The following HDGFL3 variants were observed in gnomAD, a reference collection of about 807,000 sequenced individuals.
HDGFL3 encodes the protein HDGF like 3.
In HDGFL3, 6 loss-of-function variants were observed where a neutral mutation model predicts 27.6. The observed-to-expected ratio is 0.22, with a 90% CI of 0.12 to 0.43. HDGFL3 has a LOEUF of 0.43. HDGFL3 is among the 20% of genes least tolerant of loss of function. HDGFL3 has a pLI of 1.00. For synonymous variants in HDGFL3, 88 were observed against 88.9 expected (o/e 0.99, Z 0.05); for missense variants, 207 against 250.1 (o/e 0.83, Z 1.16).
At chr15:83,206,428 G>A (rs949985433) in intron 1 of HDGFL3, among the ~76,000 whole-genome samples, 1 of 152,116 alleles carries the variant, frequency 6.6e-6, no homozygotes, top group Admixed American at 6.5e-5. Context: ...AAATAAAAAG[G>A]ATTTCTTCTA....
chr15:83,135,013 G>T lies in HDGFL3; in HGVS notation c.*4257C>A, dbSNP rs2036517857. ...TGGGTTCTGCCTGGGCATCTACCCA[G>T]GGGAGTTGTATCTGAGGGCCGAGTC... is the stretch of plus-strand genomic sequence containing the variant. On this transcript the variant is annotated 3_prime_UTR_variant, in exon 6 of 6. Coordinates refer to ENST00000299633, the MANE Select transcript of HDGFL3 (RefSeq NM_016073.4). 1 of 152,174 alleles carries T rather than the reference G, an allele frequency of 6.6e-6. No homozygotes were observed. Among genetic ancestry groups the T allele is most frequent in the Non-Finnish European group, 1.5e-5 (1 of 68,050 alleles). The allele number at this position is 152,174 out of a possible 1,614,324, so 9.4% of individuals were successfully genotyped here.
At chr15:83,115,589 A>G in exon 4 of HDGFL3, 1 of 624,758 alleles carries the variant, frequency 1.6e-6, no homozygotes, top group Non-Finnish European at 3.0e-6. Context: ...CTGAGCCGGC[A>G]GTGACCATCA....
intron 1 of HDGFL3, among the ~76,000 whole-genome samples, chr15:83,186,597 G>A (rs747955931): frequency 7.2e-5 from 11 of 152,136 alleles, no homozygotes; most frequent in East Asian, 1.9e-4. Flanking sequence ...GGATGAAACC[G>A]AAGGCCATTA....
At chr15:83,196,024 T>G (rs980024757) in intron 1 of HDGFL3, among the ~76,000 whole-genome samples, 2 of 151,970 alleles carry the variant, frequency 1.3e-5, no homozygotes, top group African/African-American at 4.8e-5. Context: ...CACATTTATG[T>G]GCCAAATAAA....
At chr15:83,183,579 G>A (rs995592200) in intron 1 of HDGFL3, among the ~76,000 whole-genome samples, 2 of 151,962 alleles carry the variant, frequency 1.3e-5, no homozygotes, top group East Asian at 1.9e-4. Flanking sequence ...TGGCCAACAT[G>A]GTGAAACCTC....
chr15:83,165,566 G>A (rs1462054948), intron 1 of HDGFL3, among the ~76,000 whole-genome samples: 1 of 151,998 alleles, frequency 6.6e-6, no homozygotes, highest in African/African-American at 2.4e-5. Context: ...CATTGTTCCT[G>A]TCTGCCCTGT....
intron 5 of HDGFL3, among the ~76,000 whole-genome samples, chr15:83,140,873 C>T (rs1281162165): frequency 6.6e-6 from 1 of 152,138 alleles, no homozygotes; most frequent in Non-Finnish European, 1.5e-5. Flanking sequence ...GTAAAAACTA[C>T]TCAATCCACA....
rs1201662800 is a variant in HDGFL3, at chr15:83,157,935, T to C, written c.268A>G (p.Asn90Asp). 6.2e-7 allele frequency: 1 copy of C among 1,612,660 alleles called. No homozygotes were observed. Among genetic ancestry groups the C allele is most frequent in the Non-Finnish European group, 8.5e-7 (1 of 1,179,434 alleles). Residue 90 changes from asparagine (N) to aspartate (D), a missense_variant, in exon 3 of 6, where the codon AAT (asparagine) becomes GAT (aspartate). Transcript: ENST00000299633. ...GFNEGLWEIE[N>D]NPGVKFTGYQ... ...CCAGTAAACTTTACTCCTGGGTTAT[T>C]TTCTATTTCCCACAATCCTTCGTTA...
At chr15:83,116,775 G>A (rs1023649294) in intron 3 of HDGFL3, among the ~76,000 whole-genome samples, 3 of 152,160 alleles carry the variant, frequency 2.0e-5, no homozygotes, top group African/African-American at 4.8e-5. Context: ...TTAGAGAATC[G>A]GAGTGGCTGG....
intron 1 of HDGFL3, among the ~76,000 whole-genome samples, chr15:83,173,744 T>C (rs532355983): frequency 6.6e-6 from 1 of 152,312 alleles, no homozygotes; most frequent in South Asian, 2.1e-4. Context: ...CTTTGAACTC[T>C]AGGGATGAAA....
chr15:83,115,708 G>T, exon 4 of HDGFL3: 1 of 726,976 alleles, frequency 1.4e-6, no homozygotes. Context: ...GGGGTATTCT[G>T]TTAGTCTATC....
rs537296249 is a variant in HDGFL3, at chr15:83,202,930, C to T, written c.84+4401G>A. On this transcript the variant is annotated intron_variant, in intron 1 of 5. Transcript: ENST00000299633. ...CTGCTGATGGACATTTGGGTTGTTT[C>T]CTGTTCTATCATGAAGAAAGTTGTT... Among the ~76,000 whole-genome samples the T allele has an allele frequency of 2.6e-5, 4 of 152,166 alleles. No homozygotes were observed. The South Asian group carries it at 8.3e-4, about 32-fold the overall frequency.
intron 1 of HDGFL3, among the ~76,000 whole-genome samples, chr15:83,195,508 T>C (rs182185312): frequency 2.6e-5 from 4 of 152,104 alleles, no homozygotes. Context: ...TTCCTTAATC[T>C]ATCTCAAGCT....
Position 83,136,408 on chromosome 15 carries a change from C to A in HDGFL3, c.*2862G>T. ...GCACAGAAACGTAGCCTGAATGAACCATTCAGAACTCATCATGCATCCAAC... is the reference window on the plus strand; with the variant it reads ...GCACAGAAACGTAGCCTGAATGAACAATTCAGAACTCATCATGCATCCAAC... On this transcript the variant is annotated 3_prime_UTR_variant, in exon 6 of 6. Coordinates refer to ENST00000299633, the MANE Select transcript of HDGFL3 (RefSeq NM_016073.4). 7.6e-7 allele frequency: 1 copy of A among 1,308,334 alleles called. No individual in the cohort carries two copies. The highest frequency in any genetic ancestry group is 1.0e-6 in the Non-Finnish European group (1 of 974,010). 81.0% of individuals were successfully genotyped at this position (1,308,334 alleles called of 1,614,324 possible). A position where few individuals can be genotyped will look rare whatever the true frequency, so the allele number is the denominator to read the frequency against.
chr15:83,112,999 C>T, exon 4 of HDGFL3: 7 of 1,033,516 alleles, frequency 6.8e-6, no homozygotes, highest in Non-Finnish European at 1.1e-5. Context: ...ACTCTGAGCC[C>T]TTTGGTAACA....
At chr15:83,172,826 A>G (rs1232477693) in intron 1 of HDGFL3, among the ~76,000 whole-genome samples, 1 of 151,478 alleles carries the variant, frequency 6.6e-6, no homozygotes, top group African/African-American at 2.4e-5. Flanking sequence ...CCAGCTCAAA[A>G]AAAAAAAAAA....
exon 4 of HDGFL3, chr15:83,114,627 G>C (rs1239199009): frequency 3.3e-5 from 5 of 152,664 alleles, no homozygotes; most frequent in African/African-American, 1.2e-4. Context: ...GCTGACTCCA[G>C]GCAAGGCCGG....
intron 1 of HDGFL3, among the ~76,000 whole-genome samples, chr15:83,183,465 A>T (rs914339516): frequency 1.3e-5 from 2 of 152,202 alleles, no homozygotes; most frequent in African/African-American, 4.8e-5. Flanking sequence ...CTGATTGAAT[A>T]TAAAGAGCAC....
Position 83,159,000 on chromosome 15 carries a change from TCTGA to T in HDGFL3, c.162-963_162-960del, listed in dbSNP as rs1347299801. Among the ~76,000 whole-genome samples the T allele has an allele frequency of 3.9e-5, 6 of 152,138 alleles. No individual in the cohort carries two copies. The East Asian group carries it at 1.2e-3, about 30-fold the overall frequency. On this transcript the variant is annotated intron_variant, in intron 2 of 5. Transcript: ENST00000299633. Reference sequence around the variant, plus strand: ...GGGATTACAGGCATGCTCCATCACATCTGACTAATTTTGTATTTTTAGTAGAGAC... The same window carrying T: ...GGGATTACAGGCATGCTCCATCACATCTAATTTTGTATTTTTAGTAGAGAC...
Sources: gnomAD v4.1 joint callset for allele counts (sites outside exome capture counted in the v4.1 genomes callset) on GRCh38, gnomAD v4.1.1 for gene constraint, MANE v1.5 for transcripts, NCBI Gene and HGNC (gene_info 2026-07-23, HGNC 2026-07-21) for gene names.